LEKR1: variants seen among roughly 807,000 people sequenced by gnomAD.
LEKR1 encodes leucine, glutamate and lysine rich 1.
LEKR1 carries 59 observed loss-of-function variants against 72.4 expected under a neutral mutation model. That is an observed-to-expected ratio of 0.82 (90% CI 0.66 to 1.01). The LOEUF (loss-of-function observed/expected upper bound fraction) is 1.01. LEKR1 is among the 50% of genes least tolerant of loss of function. The pLI is 0.00. For missense variants in LEKR1, 728 were observed against 759.2 expected, an observed-to-expected ratio of 0.96 and a Z score of 0.48; for synonymous variants, 257 against 263.2, an observed-to-expected ratio of 0.98 and a Z score of 0.23.
rs142759022 is a variant in LEKR1 at position 156,999,476 on chromosome 3, A to C, written c.1109+6199A>C. Among the ~76,000 whole-genome samples, 194 of 151,982 alleles carry C rather than the reference A, an allele frequency of 1.3e-3. 4 individuals are homozygous for C. The highest frequency in any genetic ancestry group is 0.011 in the South Asian group (54 of 4,802). Reference sequence around the variant, plus strand: ...TCACCTATCCGCAGGTTTCACAATGAGGAGCCCTCTAAGTGCTTCTGTAGA... The same window carrying C: ...TCACCTATCCGCAGGTTTCACAATGCGGAGCCCTCTAAGTGCTTCTGTAGA... On this transcript the variant is annotated intron_variant, in intron 9 of 12. Coordinates refer to ENST00000356539, the MANE Select transcript of LEKR1 (RefSeq NM_001004316.3).
intron 7 of LEKR1, among the ~76,000 whole-genome samples, chr3:156,983,667 T>C (rs1396892362): frequency 6.6e-6 from 1 of 152,108 alleles, no homozygotes; most frequent in Non-Finnish European, 1.5e-5. Context: ...CAGAAGCATC[T>C]ATACTCAGAC....
intron 12 of LEKR1, among the ~76,000 whole-genome samples, chr3:157,036,614 A>G (rs1156735033): frequency 6.6e-6 from 1 of 152,224 alleles, no homozygotes. Context: ...GTAATAAAGG[A>G]GAAAATATAG....
intron 3 of LEKR1, among the ~76,000 whole-genome samples, chr3:156,883,369 A>T (rs1056065498): frequency 5.9e-5 from 9 of 152,176 alleles, no homozygotes; most frequent in African/African-American, 2.2e-4. Context: ...CCTGTCTCAG[A>T]TGAGACTTTG....
chr3:156,884,137 C>G (rs754232008), intron 3 of LEKR1, among the ~76,000 whole-genome samples: 1 of 152,054 alleles, frequency 6.6e-6, no homozygotes, highest in Admixed American at 6.6e-5. Flanking sequence ...CTTTTGCCAC[C>G]CCTTTGCCTT....
At chr3:156,842,613 G>A (rs1714077972) in intron 2 of LEKR1, among the ~76,000 whole-genome samples, 1 of 152,154 alleles carries the variant, frequency 6.6e-6, no homozygotes, top group South Asian at 2.1e-4. Context: ...ATGAGCAGTA[G>A]TAGAAAAAGG....
intron 7 of LEKR1, 177 bp downstream of exon 7, chr3:156,979,452 A>G (rs1729987153): frequency 3.1e-6 from 1 of 319,566 alleles, no homozygotes; most frequent in Non-Finnish European, 6.2e-6. Context: ...TGCCCACTTT[A>G]CTGGCCTAGA....
chr3:156,845,659 C>T (rs373674073), intron 2 of LEKR1, among the ~76,000 whole-genome samples: 4 of 152,072 alleles, frequency 2.6e-5, no homozygotes, highest in South Asian at 2.1e-4. Context: ...TTATGGAGGT[C>T]GTTTTCTGTT....
intron 7 of LEKR1, among the ~76,000 whole-genome samples, chr3:156,982,715 GATTA>G (rs1270789770): frequency 6.6e-6 from 1 of 152,032 alleles, no homozygotes; most frequent in East Asian, 1.9e-4. Context: ...ATAATATCTA[GATTA>G]ATTAAGGGAA....
At chr3:157,045,248 A>G in intron 12 of LEKR1, 92 bp from the exon 13 acceptor site, 1 of 1,052,994 alleles carries the variant, frequency 9.5e-7, no homozygotes, top group South Asian at 1.6e-5. Flanking sequence ...TCTGATTTCC[A>G]GTTCTGTTCT....
chr3:156,879,373 C>A (rs186160284), intron 3 of LEKR1, among the ~76,000 whole-genome samples: 18 of 152,220 alleles, frequency 1.2e-4, no homozygotes, highest in Admixed American at 1.1e-3. Flanking sequence ...GAACTTTGAA[C>A]TTCAGGGATA....
At position 156,852,748 on chromosome 3, in the gene LEKR1, G is replaced by C. The variant is rs1245210025; in HGVS notation, c.49-20G>C. On this transcript the variant is annotated intron_variant, in intron 2 of 12. Coordinates refer to ENST00000356539, the MANE Select transcript of LEKR1 (RefSeq NM_001004316.3). ...TTTCAGAATTAAAAAAATTTGGTAA[G>C]TGTATGTTCTGTTTCCTAGATGTTG... is the stretch of plus-strand genomic sequence containing the variant. The C allele has an allele frequency of 7.3e-7, 1 of 1,371,726 alleles. No homozygotes were observed. Among genetic ancestry groups the C allele is most frequent in the Non-Finnish European group, 9.8e-7 (1 of 1,018,496 alleles). The allele number at this position is 1,371,726 out of a possible 1,614,324, so 85.0% of individuals were successfully genotyped here.
chr3:156,854,057 C>T (rs1482015768), intron 3 of LEKR1, among the ~76,000 whole-genome samples: 1 of 151,708 alleles, frequency 6.6e-6, no homozygotes, highest in African/African-American at 2.4e-5. Flanking sequence ...ATTACTGGTA[C>T]CCAGCTGATT....
At chr3:156,921,208 T>A (rs549043454) in intron 4 of LEKR1, among the ~76,000 whole-genome samples, 1 of 152,218 alleles carries the variant, frequency 6.6e-6, no homozygotes, top group South Asian at 2.1e-4. Context: ...TTCCTAAAAT[T>A]TGAATTGAGT....
intron 3 of LEKR1, among the ~76,000 whole-genome samples, chr3:156,864,447 C>T (rs1717094389): frequency 6.6e-6 from 1 of 151,944 alleles, no homozygotes. Flanking sequence ...TCCTTCTTTT[C>T]CAACAGTATT....
chr3:156,833,210 C>G (rs1326858847), intron 2 of LEKR1, among the ~76,000 whole-genome samples: 2 of 152,132 alleles, frequency 1.3e-5, no homozygotes, highest in East Asian at 3.9e-4. Flanking sequence ...CAGTTAATTC[C>G]TGTTCTGTTT....
chr3:156,835,419 G>A (rs1009507298), intron 2 of LEKR1, among the ~76,000 whole-genome samples: 3 of 152,256 alleles, frequency 2.0e-5, no homozygotes, highest in African/African-American at 7.2e-5. Flanking sequence ...AGAGCTGTAA[G>A]ATAGAACAGA....
chr3:156,967,870 A>G, intron 6 of LEKR1, among the ~76,000 whole-genome samples: 1 of 152,240 alleles, frequency 6.6e-6, no homozygotes, highest in Non-Finnish European at 1.5e-5. Flanking sequence ...AAGGGCAGCC[A>G]GAGAGAAAGG....
At chr3:156,888,019 G>GAT (rs1442778556) in intron 3 of LEKR1, among the ~76,000 whole-genome samples, 1 of 152,028 alleles carries the variant, frequency 6.6e-6, no homozygotes, top group Non-Finnish European at 1.5e-5. Context: ...GTAATCTAGT[G>GAT]ATATATATCA....
At chr3:156,941,433 TCTC>T (rs1449584229) in intron 5 of LEKR1, among the ~76,000 whole-genome samples, 3 of 152,070 alleles carry the variant, frequency 2.0e-5, no homozygotes, top group Non-Finnish European at 2.9e-5. Context: ...CTGCTTTACT[TCTC>T]CTATAACCAT....
Sources: gnomAD v4.1 joint callset for allele counts (sites outside exome capture counted in the v4.1 genomes callset) on GRCh38, gnomAD v4.1.1 for gene constraint, MANE v1.5 for transcripts, NCBI Gene and HGNC (gene_info 2026-07-23, HGNC 2026-07-21) for gene names.